The following VPS13B variants were observed in gnomAD, a reference collection of about 807,000 sequenced individuals.
VPS13B encodes intermembrane lipid transfer protein VPS13B.
A neutral mutation model predicts 426.4 loss-of-function variants in VPS13B; 285 were observed. That is an observed-to-expected ratio of 0.67 (90% CI 0.61 to 0.74). VPS13B has a LOEUF of 0.74. Ranked by LOEUF, VPS13B falls within the 30% of genes least tolerant of loss-of-function variation. The pLI is 0.00. For missense variants in VPS13B, 4,537 were observed against 4,782.6 expected (o/e 0.95, Z 1.51); for synonymous variants, 1,676 against 1,676.4 (o/e 1.00, Z 0.01).
chr8:99,559,142 G>A (rs991429402), intron 31 of VPS13B, among the ~76,000 whole-genome samples: 1 of 152,152 alleles, frequency 6.6e-6, no homozygotes, highest in Admixed American at 6.5e-5. Flanking sequence ...GTTTTGATTT[G>A]CATTTCTCTG....
At chr8:99,637,487 A>G (rs1198851064) in intron 33 of VPS13B, among the ~76,000 whole-genome samples, 2 of 152,012 alleles carry the variant, frequency 1.3e-5, no homozygotes, top group Non-Finnish European at 2.9e-5. Flanking sequence ...ATTGGTTCAA[A>G]TTCCATTCTG....
chr8:99,579,197 C>G (rs2133814807), intron 33 of VPS13B, among the ~76,000 whole-genome samples: 1 of 152,220 alleles, frequency 6.6e-6, no homozygotes, highest in East Asian at 1.9e-4. Context: ...ATCTGTAAAA[C>G]TTTCCGTATT....
chr8:99,651,428 TC>T (rs1463430776), intron 34 of VPS13B, among the ~76,000 whole-genome samples: 1 of 152,130 alleles, frequency 6.6e-6, no homozygotes, highest in African/African-American at 2.4e-5. Context: ...ATATTAATAA[TC>T]TACTTCAAAT....
intron 30 of VPS13B, among the ~76,000 whole-genome samples, chr8:99,555,663 C>T (rs1217491919): frequency 2.6e-5 from 4 of 152,152 alleles, no homozygotes; most frequent in Non-Finnish European, 5.9e-5. Context: ...CTTTGTGCTT[C>T]CCACCCTACC....
At chr8:99,394,992 C>A (rs937512294) in intron 21 of VPS13B, among the ~76,000 whole-genome samples, 4 of 152,154 alleles carry the variant, frequency 2.6e-5, no homozygotes, top group African/African-American at 9.6e-5. Context: ...AACTAACAAA[C>A]TGGATAAAAT....
chr8:99,648,961 T>C (rs1369695630), intron 34 of VPS13B, among the ~76,000 whole-genome samples: 1 of 151,646 alleles, frequency 6.6e-6, no homozygotes, highest in East Asian at 1.9e-4. Flanking sequence ...TTTTTTTTTT[T>C]CTCTCATTCC....
chr8:99,538,896 A>G (rs1007533952), intron 30 of VPS13B, among the ~76,000 whole-genome samples: 16 of 152,210 alleles, frequency 1.1e-4, no homozygotes, highest in African/African-American at 3.9e-4. Flanking sequence ...TACTTAAAGT[A>G]TATTAATTGA....
At chr8:99,623,591 G>T (rs557247409) in intron 33 of VPS13B, among the ~76,000 whole-genome samples, 2 of 152,044 alleles carry the variant, frequency 1.3e-5, no homozygotes, top group Non-Finnish European at 2.9e-5. Flanking sequence ...ATGAATCACC[G>T]CAAAGAAGTT....
chr8:99,521,059 A>G (rs747182298), intron 30 of VPS13B, 49 bp downstream of exon 30: 4 of 1,444,678 alleles, frequency 2.8e-6, no homozygotes, highest in Admixed American at 3.4e-5. Context: ...TCATCCTGCA[A>G]ACACATATAG....
At chr8:99,316,774 G>T (rs896145283) in intron 19 of VPS13B, among the ~76,000 whole-genome samples, 8 of 152,138 alleles carry the variant, frequency 5.3e-5, no homozygotes, top group African/African-American at 1.9e-4. Context: ...GTTCTTCTGT[G>T]TGAAGGGGAT....
intron 24 of VPS13B, among the ~76,000 whole-genome samples, chr8:99,474,479 A>G (rs930616446): frequency 2.0e-5 from 3 of 152,034 alleles, no homozygotes; most frequent in Non-Finnish European, 2.9e-5. Flanking sequence ...GAGCCACTGC[A>G]CCCGGACTAA....
chr8:99,550,661 CTTT>C (rs1824233277), intron 30 of VPS13B, among the ~76,000 whole-genome samples: 1 of 151,724 alleles, frequency 6.6e-6, no homozygotes, highest in African/African-American at 2.4e-5. Flanking sequence ...CTTATTGAGA[CTTT>C]TTTATTTGCT....
At chr8:99,611,200 G>A (rs886165900) in intron 33 of VPS13B, among the ~76,000 whole-genome samples, 1 of 152,260 alleles carries the variant, frequency 6.6e-6, no homozygotes, top group Middle Eastern at 3.4e-3. Context: ...GCAGTAGGTT[G>A]AATGAATTAG....
intron 43 of VPS13B, among the ~76,000 whole-genome samples, chr8:99,785,723 G>T (rs1812224430): frequency 6.6e-6 from 1 of 151,998 alleles, no homozygotes; most frequent in African/African-American, 2.4e-5. Context: ...GACTACAAAA[G>T]TGAGAGCATA....
At chr8:99,233,715 A>G in intron 17 of VPS13B, 1 of 784,260 alleles carries the variant, frequency 1.3e-6, no homozygotes, top group East Asian at 2.4e-5. Context: ...TGCAAGGATG[A>G]GATTGTTATC....
chr8:99,481,487 T>C, intron 24 of VPS13B, 112 bp from the exon 25 acceptor site: 1 of 1,234,554 alleles, frequency 8.1e-7, no homozygotes, highest in Non-Finnish European at 1.2e-6. Flanking sequence ...GTAGAGTTTG[T>C]TTTATAAATT....
At chr8:99,623,700 G>A (rs191545116) in intron 33 of VPS13B, among the ~76,000 whole-genome samples, 2 of 152,238 alleles carry the variant, frequency 1.3e-5, no homozygotes, top group Admixed American at 1.3e-4. Context: ...GGTAGAAGTG[G>A]GAGATAATTG....
At chr8:99,523,474 G>A (rs1003393344) in intron 30 of VPS13B, among the ~76,000 whole-genome samples, 1 of 152,228 alleles carries the variant, frequency 6.6e-6, no homozygotes, top group Non-Finnish European at 1.5e-5. Flanking sequence ...GGCAGCCACA[G>A]TGCTTGTGTC....
intron 17 of VPS13B, chr8:99,234,382 C>A (rs1816523207): frequency 1.4e-6 from 1 of 716,628 alleles, no homozygotes; most frequent in South Asian, 1.4e-5. Context: ...TGTTTCAAAT[C>A]TGAATTTTCC....
Sources: allele counts gnomAD v4.1 joint callset (sites outside exome capture counted in the v4.1 genomes callset), GRCh38; gene constraint gnomAD v4.1.1; transcripts MANE v1.5; gene names NCBI Gene and HGNC (gene_info 2026-07-23, HGNC 2026-07-21).